The following ASTN2 variants were observed in gnomAD, a reference collection of about 807,000 sequenced individuals.
ASTN2 encodes astrotactin-2.
Under a neutral mutation model 139.8 loss-of-function variants are expected in ASTN2, and 54 were observed. The ratio of observed to expected loss-of-function variants is 0.39; its 90% CI spans 0.31 to 0.48. The LOEUF (loss-of-function observed/expected upper bound fraction) is 0.48. Among genes scored for constraint, ASTN2 ranks in the 20% least tolerant of loss-of-function variants. The pLI, the probability that ASTN2 is intolerant of heterozygous loss-of-function variation, is 0.95. For synonymous variants in ASTN2, 756 were observed against 719.5 expected (o/e 1.05, Z -0.81); for missense variants, 1,565 against 1,725.1 (o/e 0.91, Z 1.64).
chr9:116,863,457 G>T, intron 11 of ASTN2, 126 bp downstream of exon 11: 1 of 1,239,838 alleles, frequency 8.1e-7, no homozygotes, highest in Non-Finnish European at 1.1e-6. Context: ...ACTGAAGGCC[G>T]CAGAGGCAGA....
At chr9:116,930,178 T>C (rs908434851) in intron 10 of ASTN2, among the ~76,000 whole-genome samples, 8 of 152,152 alleles carry the variant, frequency 5.3e-5, no homozygotes, top group Admixed American at 2.6e-4. Flanking sequence ...GTGGGCACCA[T>C]TGGGATGGAC....
intron 16 of ASTN2, among the ~76,000 whole-genome samples, chr9:116,675,580 T>C (rs930755412): frequency 6.6e-6 from 1 of 152,098 alleles, no homozygotes; most frequent in South Asian, 2.1e-4. Context: ...AATAGGAGGA[T>C]AGTTTGGAAG....
intron 10 of ASTN2, among the ~76,000 whole-genome samples, chr9:116,968,151 C>A (rs972284043): frequency 6.6e-6 from 1 of 151,894 alleles, no homozygotes. Flanking sequence ...CATTGAGGCT[C>A]GAAGAGGTGA....
At chr9:116,527,133 T>C (rs1851129250) in intron 19 of ASTN2, among the ~76,000 whole-genome samples, 1 of 152,102 alleles carries the variant, frequency 6.6e-6, no homozygotes, top group African/African-American at 2.4e-5. Context: ...GTCTTGGCAA[T>C]GATTTTTTAG....
At chr9:117,222,446 G>T (rs1343290837) in intron 2 of ASTN2, among the ~76,000 whole-genome samples, 2 of 152,044 alleles carry the variant, frequency 1.3e-5, no homozygotes, top group East Asian at 3.9e-4. Flanking sequence ...GTCAGAGTAC[G>T]TGGAGCCTGA....
chr9:116,660,400 CTT>C (rs1564189128), intron 16 of ASTN2, among the ~76,000 whole-genome samples: 1 of 152,172 alleles, frequency 6.6e-6, no homozygotes, highest in Non-Finnish European at 1.5e-5. Context: ...TAAATTCCAT[CTT>C]TTTTGTTTTC....
intron 11 of ASTN2, among the ~76,000 whole-genome samples, chr9:116,841,363 C>T (rs1053855585): frequency 6.6e-6 from 1 of 152,014 alleles, no homozygotes; most frequent in Non-Finnish European, 1.5e-5. Flanking sequence ...AGAGGGAGAC[C>T]GTGGAAAGAG....
At chr9:117,384,133 C>A (rs542548927) in intron 1 of ASTN2, among the ~76,000 whole-genome samples, 15 of 152,096 alleles carry the variant, frequency 9.9e-5, no homozygotes, top group Middle Eastern at 6.8e-3. Flanking sequence ...AGCTGCTGGG[C>A]GGGGTTGCGT....
At chr9:117,369,559 A>G (rs755522486) in intron 1 of ASTN2, among the ~76,000 whole-genome samples, 3 of 152,088 alleles carry the variant, frequency 2.0e-5, no homozygotes, top group East Asian at 1.9e-4. Flanking sequence ...TAAGTATGAC[A>G]TATTATATGA....
chr9:117,404,279 C>G (rs530752354), intron 1 of ASTN2, among the ~76,000 whole-genome samples: 2 of 152,256 alleles, frequency 1.3e-5, no homozygotes, highest in Admixed American at 1.3e-4. Flanking sequence ...AAATCTAAAG[C>G]TAGGAATTAG....
chr9:117,258,798 C>T (rs924362210), intron 2 of ASTN2, among the ~76,000 whole-genome samples: 9 of 152,222 alleles, frequency 5.9e-5, no homozygotes, highest in East Asian at 1.9e-4. Flanking sequence ...CTGTCTGAAA[C>T]GTCTGCCTTA....
rs1412291966 is a variant in ASTN2, at chr9:116,424,943, G to C, written c.*908C>G. 6.6e-6 allele frequency among the ~76,000 whole-genome samples: 1 copy of C among 151,940 alleles called. No homozygotes were observed. Among genetic ancestry groups the C allele is most frequent in the African/African-American group, 2.4e-5 (1 of 41,350 alleles). ...CTGGCTTATTTCTACTCATCCTTTG[G>C]GTTTAGGTATCACTTTTTCAAGGAA... On this transcript the variant is annotated 3_prime_UTR_variant, in exon 23 of 23. Coordinates refer to ENST00000313400, the MANE Select transcript of ASTN2 (RefSeq NM_001365068.1).
At chr9:116,629,890 GCT>G (rs751351735) in intron 17 of ASTN2, among the ~76,000 whole-genome samples, 38 of 152,162 alleles carry the variant, frequency 2.5e-4, no homozygotes, top group Non-Finnish European at 8.8e-5. Flanking sequence ...TGTGCACAAG[GCT>G]CTGTCAGCTG....
chr9:117,195,601 G>A lies in ASTN2; in HGVS notation c.1015+18757C>T, dbSNP rs114238149. Among the ~76,000 whole-genome samples, 1,394 of 152,240 alleles carry A rather than the reference G, an allele frequency of 9.2e-3. 23 individuals carry two copies. The highest frequency in any genetic ancestry group is 0.032 in the African/African-American group (1,340 of 41,534). Reference sequence around the variant, plus strand: ...TAGGGTGGGAAGCAGGGGTGAAGGCGAGGAGTCTGGAAACTTAGGCTAGAG... The same window carrying A: ...TAGGGTGGGAAGCAGGGGTGAAGGCAAGGAGTCTGGAAACTTAGGCTAGAG... On this transcript the variant is annotated intron_variant, in intron 3 of 22. Transcript: ENST00000313400.
intron 11 of ASTN2, among the ~76,000 whole-genome samples, chr9:116,846,977 C>A (rs145992678): frequency 1.2e-3 from 152 of 129,700 alleles, no homozygotes; most frequent in African/African-American, 4.1e-3. Context: ...CTGCTGTCTT[C>A]CAGGAATTAT....
Position 116,820,735 on chromosome 9 carries a change from G to A in ASTN2, c.2089C>T (p.His697Tyr), listed in dbSNP as rs1478773945. 6.2e-7 allele frequency: 1 copy of A among 1,614,174 alleles called. No individual in the cohort carries two copies. Among genetic ancestry groups the A allele is most frequent in the Admixed American group, 1.7e-5 (1 of 60,022 alleles). ...TCAGAGCAGTCAATGCCTTTGGAGTGGTCGTAGCAGCCAGAGCCATCCTTC... is the reference window on the plus strand; with the variant it reads ...TCAGAGCAGTCAATGCCTTTGGAGTAGTCGTAGCAGCCAGAGCCATCCTTC... ...PMKDGSGCYD[H>Y]SKGIDCSDGF... is the part of the protein sequence containing the mutation. Residue 697 changes from histidine to tyrosine, a missense_variant, in exon 12 of 23, where the codon CAC becomes TAC. Around this residue, in one of 4 missense-constraint regions of ASTN2, gnomAD observed 503 missense variants for 591.7 expected, o/e 0.85. Coordinates refer to ENST00000313400, the MANE Select transcript of ASTN2 (RefSeq NM_001365068.1).
At chr9:117,386,022 C>A (rs947782749) in intron 1 of ASTN2, among the ~76,000 whole-genome samples, 2 of 152,180 alleles carry the variant, frequency 1.3e-5, no homozygotes, top group South Asian at 2.1e-4. Flanking sequence ...AGTGCTCAGG[C>A]AAGTGGGGTC....
chr9:116,737,875 G>A (rs761856737), intron 13 of ASTN2, among the ~76,000 whole-genome samples: 8 of 152,134 alleles, frequency 5.3e-5, no homozygotes, highest in Non-Finnish European at 1.2e-4. Flanking sequence ...CTTGGCGGGG[G>A]AAGGTTGGAA....
At chr9:117,061,991 C>T (rs1839307667) in intron 5 of ASTN2, among the ~76,000 whole-genome samples, 2 of 152,172 alleles carry the variant, frequency 1.3e-5, no homozygotes, top group Non-Finnish European at 2.9e-5. Context: ...AGATAAGGTG[C>T]TCAAGGAAAC....
Sources: gnomAD v4.1 joint callset for allele counts (sites outside exome capture counted in the v4.1 genomes callset) on GRCh38, gnomAD v4.1.1 for gene constraint, gnomAD v4.1.1 regional missense constraint, MANE v1.5 for transcripts, NCBI Gene and HGNC (gene_info 2026-07-23, HGNC 2026-07-21) for gene names.